Variants in NSMCE2 observed in about 807,000 individuals in gnomAD.
The protein encoded by NSMCE2 is E3 SUMO-protein ligase NSE2.
In NSMCE2, 24 loss-of-function variants were observed where a neutral mutation model predicts 23.8. The observed-to-expected ratio is 1.01, with a 90% CI of 0.73 to 1.42. NSMCE2 has a LOEUF of 1.42. Among genes scored for constraint, NSMCE2 ranks in the 40% most tolerant of loss-of-function variants. NSMCE2 has a pLI of 0.00. For missense variants in NSMCE2, 284 were observed against 296.5 expected, an observed-to-expected ratio of 0.96 and a Z score of 0.31; for synonymous variants, 92 against 94.1, an observed-to-expected ratio of 0.98 and a Z score of 0.13.
chr8:125,131,272 A>C (rs778457477), intron 3 of NSMCE2, among the ~76,000 whole-genome samples: 33 of 152,160 alleles, frequency 2.2e-4, no homozygotes, highest in Non-Finnish European at 4.4e-4. Context: ...ACGTACTTGG[A>C]AAATATACGC....
At chr8:125,249,031 T>C (rs1826102442) in intron 5 of NSMCE2, among the ~76,000 whole-genome samples, 1 of 151,858 alleles carries the variant, frequency 6.6e-6, no homozygotes, top group African/African-American at 2.4e-5. Flanking sequence ...ATTAGCCGAG[T>C]ATGGTGGCAC....
intron 1 of NSMCE2, among the ~76,000 whole-genome samples, chr8:125,099,375 A>G (rs1818079207): frequency 6.6e-6 from 1 of 152,118 alleles, no homozygotes; most frequent in East Asian, 1.9e-4. Context: ...CCTAGTAGAT[A>G]TCTAGGGGAC....
intron 5 of NSMCE2, among the ~76,000 whole-genome samples, chr8:125,346,547 G>A (rs915438631): frequency 6.6e-6 from 1 of 152,174 alleles, no homozygotes; most frequent in Non-Finnish European, 1.5e-5. Flanking sequence ...TGGCTAATCA[G>A]ACTTTCCCTA....
chr8:125,092,486 G>A (rs1817711989), intron 1 of NSMCE2, among the ~76,000 whole-genome samples: 1 of 152,206 alleles, frequency 6.6e-6, no homozygotes, highest in Non-Finnish European at 1.5e-5. Context: ...GTTTAAAGAA[G>A]CTGCAGACAT....
intron 1 of NSMCE2, among the ~76,000 whole-genome samples, chr8:125,098,867 C>T (rs1244650024): frequency 6.6e-6 from 1 of 151,888 alleles, no homozygotes; most frequent in African/African-American, 2.4e-5. Flanking sequence ...AGTGATCTTG[C>T]CAATGGTATT....
chr8:125,290,326 A>G (rs950640347), intron 5 of NSMCE2, among the ~76,000 whole-genome samples: 2 of 152,184 alleles, frequency 1.3e-5, no homozygotes, highest in Non-Finnish European at 2.9e-5. Flanking sequence ...ATTAATAAAT[A>G]GAAAAAATTT....
chr8:125,310,090 T>C (rs1289668915), intron 5 of NSMCE2, among the ~76,000 whole-genome samples: 1 of 152,190 alleles, frequency 6.6e-6, no homozygotes, highest in Non-Finnish European at 1.5e-5. Context: ...AAACAACAGA[T>C]GGTATCTTTC....
intron 5 of NSMCE2, among the ~76,000 whole-genome samples, chr8:125,338,313 A>T (rs1445436697): frequency 6.7e-6 from 1 of 149,788 alleles, no homozygotes; most frequent in East Asian, 1.9e-4. Flanking sequence ...CCTTTTATAT[A>T]GAAGTTCTTG....
intron 3 of NSMCE2, among the ~76,000 whole-genome samples, chr8:125,126,544 A>G (rs1819527099): frequency 6.6e-6 from 1 of 152,126 alleles, no homozygotes; most frequent in Non-Finnish European, 1.5e-5. Context: ...TTCAGCACTT[A>G]CTACCTCAAG....
At chr8:125,321,603 T>G (rs1829462248) in intron 5 of NSMCE2, among the ~76,000 whole-genome samples, 1 of 152,184 alleles carries the variant, frequency 6.6e-6, no homozygotes, top group Non-Finnish European at 1.5e-5. Flanking sequence ...AAATTACAAA[T>G]TAATATCCCT....
intron 4 of NSMCE2, among the ~76,000 whole-genome samples, chr8:125,151,596 T>C (rs1586521939): frequency 6.6e-6 from 1 of 152,362 alleles, no homozygotes; most frequent in African/African-American, 2.4e-5. Context: ...CTTGTTTTTA[T>C]TGTTCTATTT....
At position 125,258,502 on chromosome 8, in the gene NSMCE2, T is replaced by C. The variant is rs1215269309; in HGVS notation, c.418+76246T>C. Among the ~76,000 whole-genome samples the C allele has an allele frequency of 3.4e-5, 5 of 147,494 alleles. No homozygotes were observed. The East Asian group carries it at 1.0e-3, about 30-fold the overall frequency. On this transcript the variant is annotated intron_variant, in intron 5 of 7. Coordinates refer to ENST00000287437, the MANE Select transcript of NSMCE2 (RefSeq NM_173685.4). ...CCTGGCTCCCCTGAGTGAGGGAGAATGGGCAAGCCTCCATAGGAAAGCAGC... is the reference window on the plus strand; with the variant it reads ...CCTGGCTCCCCTGAGTGAGGGAGAACGGGCAAGCCTCCATAGGAAAGCAGC...
At chr8:125,166,513 C>G (rs753476166) in intron 4 of NSMCE2, among the ~76,000 whole-genome samples, 14 of 152,198 alleles carry the variant, frequency 9.2e-5, no homozygotes, top group Non-Finnish European at 1.6e-4. Context: ...GCGATCTCCC[C>G]GCTTTGGCCT....
chr8:125,213,709 CTTCCTTCCTTCCTTAT>C (rs1463029886), intron 5 of NSMCE2, among the ~76,000 whole-genome samples: 1 of 150,094 alleles, frequency 6.7e-6, no homozygotes, highest in Non-Finnish European at 1.5e-5. Flanking sequence ...CCCTCCCTCC[CTTCCTTCCTTCCTTAT>C]TTCCTTCCTT....
intron 5 of NSMCE2, among the ~76,000 whole-genome samples, chr8:125,263,730 A>G (rs372108609): frequency 2.5e-4 from 38 of 151,874 alleles, no homozygotes; most frequent in African/African-American, 9.2e-4. Flanking sequence ...AGCCTCCGTG[A>G]CAGAGCGAGA....
chr8:125,283,159 C>G (rs1460980963), intron 5 of NSMCE2, among the ~76,000 whole-genome samples: 1 of 152,156 alleles, frequency 6.6e-6, no homozygotes, highest in African/African-American at 2.4e-5. Context: ...CTATATAAAG[C>G]TCTTAGCACA....
At chr8:125,145,718 A>G (rs527463418) in intron 3 of NSMCE2, among the ~76,000 whole-genome samples, 1 of 152,282 alleles carries the variant, frequency 6.6e-6, no homozygotes, top group South Asian at 2.1e-4. Flanking sequence ...AGCTCTATTC[A>G]GAAGTAATTC....
intron 5 of NSMCE2, among the ~76,000 whole-genome samples, chr8:125,356,531 G>T (rs1813290822): frequency 6.6e-6 from 1 of 152,014 alleles, no homozygotes; most frequent in Non-Finnish European, 1.5e-5. Context: ...GTTTCACCAT[G>T]TTGGCCAGGA....
chr8:125,168,180 A>G (rs1002056637), intron 4 of NSMCE2, among the ~76,000 whole-genome samples: 8 of 152,302 alleles, frequency 5.3e-5, no homozygotes, highest in East Asian at 3.9e-4. Flanking sequence ...CATAATGTCT[A>G]TATCACAAGC....
Sources: allele counts gnomAD v4.1 joint callset (sites outside exome capture counted in the v4.1 genomes callset), GRCh38; gene constraint gnomAD v4.1.1; transcripts MANE v1.5; gene names NCBI Gene and HGNC (gene_info 2026-07-23, HGNC 2026-07-21).